The following PCDHGA7 variants were observed in gnomAD, a reference collection of about 807,000 sequenced individuals.
PCDHGA7 encodes the protein protocadherin gamma subfamily A, 7.
In PCDHGA7, 44 loss-of-function variants were observed where a neutral mutation model predicts 58.3. That is an observed-to-expected ratio of 0.75 (90% confidence interval 0.59 to 0.97). The LOEUF is 0.97. Among genes scored for constraint, PCDHGA7 ranks in the 50% least tolerant of loss-of-function variants. PCDHGA7 has a pLI of 0.00. For missense variants in PCDHGA7, 1,266 were observed against 1,188.7 expected (o/e 1.06, Z -0.96); for synonymous variants, 516 against 504.2 (o/e 1.02, Z -0.31).
intron 1 of PCDHGA7, chr5:141,389,699 C>T: frequency 1.2e-6 from 2 of 1,612,646 alleles, no homozygotes; most frequent in Non-Finnish European, 1.7e-6. Flanking sequence ...TGTCCTACCA[C>T]GTGCTGCAGG....
rs753258464 is a variant in PCDHGA7, at chr5:141,388,966, G to T, written c.2424+3643G>T. ...CTAATTATGGAGGACGCCGAGCTGG[G>T]AACACATATTGCTTTGCTCAAAGTC... On this transcript the variant is annotated intron_variant, in intron 1 of 3. Coordinates refer to ENST00000518325, the MANE Select transcript of PCDHGA7 (RefSeq NM_018920.4). 15 of 1,613,896 alleles carry T rather than the reference G, an allele frequency of 9.3e-6. No homozygotes were observed. In the Admixed American group the frequency reaches 2.3e-4, roughly 25 times the overall value.
chr5:141,394,485 A>G (rs376708104), intron 1 of PCDHGA7: 3 of 1,614,184 alleles, frequency 1.9e-6, no homozygotes, highest in Non-Finnish European at 2.5e-6. Flanking sequence ...CCAGAATGAC[A>G]ACGCGCCCGA....
At position 141,486,653 on chromosome 5, in the gene PCDHGA7, C is replaced by A; in HGVS notation, c.2425-8154C>A. 1 of 1,613,968 alleles carries A rather than the reference C, an allele frequency of 6.2e-7. No homozygotes were observed. Among genetic ancestry groups the A allele is most frequent in the Non-Finnish European group, 8.5e-7 (1 of 1,180,034 alleles). On this transcript the variant is annotated intron_variant, in intron 1 of 3. Coordinates refer to ENST00000518325, the MANE Select transcript of PCDHGA7 (RefSeq NM_018920.4). This position sits in a 1 kb window ranked among gnomAD's most constrained non-coding sequence, Gnocchi z 5.0. ...CTTGAATGCGCTTATCTCCTACTCA[C>A]TCCTGGAGCCCAGGAATCGAGATGT... is the stretch of plus-strand genomic sequence containing the variant.
chr5:141,435,558 T>C (rs1401876733), intron 1 of PCDHGA7, among the ~76,000 whole-genome samples: 1 of 152,136 alleles, frequency 6.6e-6, no homozygotes, highest in Non-Finnish European at 1.5e-5. Flanking sequence ...TTTTGAGTGC[T>C]TTTTTTAGTA....
chr5:141,421,404 G>A, intron 1 of PCDHGA7: 17 of 1,614,080 alleles, frequency 1.1e-5, no homozygotes, highest in Non-Finnish European at 1.4e-5. Flanking sequence ...AGCCCCGGGA[G>A]CTGGCGAAGC....
chr5:141,413,747 A>C, intron 1 of PCDHGA7: 1 of 1,613,348 alleles, frequency 6.2e-7, no homozygotes. Flanking sequence ...AGCCGTGCCA[A>C]TGGCGTCAAG....
intron 1 of PCDHGA7, chr5:141,421,450 C>A (rs1193440607): frequency 2.5e-6 from 4 of 1,614,126 alleles, no homozygotes; most frequent in Non-Finnish European, 3.4e-6. Flanking sequence ...GAAGACACAG[C>A]TTTTCGCTGT....
chr5:141,468,681 A>G (rs1415798588), intron 1 of PCDHGA7: 1 of 151,830 alleles, frequency 6.6e-6, no homozygotes, highest in African/African-American at 2.4e-5. Flanking sequence ...CCTGGCTAAC[A>G]CGGTGAAACC....
Position 141,511,159 on chromosome 5 carries a change from AAGG to A in PCDHGA7, c.2788_2790del (p.Glu930del), listed in dbSNP as rs1477173987. 3 of 1,614,186 alleles carry A rather than the reference AAGG, an allele frequency of 1.9e-6. No individual in the cohort carries two copies. The highest frequency in any genetic ancestry group is 2.2e-5 in the East Asian group (1 of 44,872). On this transcript the variant is annotated inframe_deletion, in exon 4 of 4. Coordinates refer to ENST00000518325, the MANE Select transcript of PCDHGA7 (RefSeq NM_018920.4). ...TGGCAACAAGAAGAAGTCGGGCAAG[AAGG>A]AGAAGAAGTAACATGGAGGCCAGGC... is the stretch of plus-strand genomic sequence containing the variant.
chr5:141,385,626 G>T, intron 1 of PCDHGA7: 1 of 1,001,778 alleles, frequency 1.0e-6, no homozygotes, highest in Non-Finnish European at 1.3e-6. Flanking sequence ...ACATTGGAAT[G>T]AATCGAGTCT....
chr5:141,505,653 G>A (rs1049630228), intron 3 of PCDHGA7, among the ~76,000 whole-genome samples, 172 bp downstream of exon 3: 1 of 152,184 alleles, frequency 6.6e-6, no homozygotes, highest in Non-Finnish European at 1.5e-5. Context: ...TTGTGGCTAA[G>A]GAACAGCAGA....
In PCDHGA7 at chr5:141,511,173, A is replaced by T. The variant is rs1384881403; in HGVS notation, c.2799A>T (p.Ter933TyrextTer31). ...AGTCGGGCAAGAAGGAGAAGAAGTA[A>T]CATGGAGGCCAGGCCAAGAGCCACA... ...KKKSGKKEKK[*>Y] Residue 933 changes from the stop codon to tyrosine, a stop_lost, in exon 4 of 4, where the codon TAA (stop) becomes TAT (tyrosine). Coordinates refer to ENST00000518325, the MANE Select transcript of PCDHGA7 (RefSeq NM_018920.4). 6.2e-7 allele frequency: 1 copy of T among 1,614,132 alleles called. No homozygotes were observed.
intron 1 of PCDHGA7, chr5:141,410,314 C>T: frequency 6.2e-7 from 1 of 1,614,036 alleles, no homozygotes; most frequent in Non-Finnish European, 8.5e-7. Context: ...TGCTCTTCCT[C>T]CTCGCCGTGA....
intron 1 of PCDHGA7, among the ~76,000 whole-genome samples, chr5:141,457,440 A>G (rs188608086): frequency 3.9e-5 from 6 of 152,334 alleles, no homozygotes; most frequent in Non-Finnish European, 8.8e-5. Flanking sequence ...ACCAAGCTGC[A>G]GAAGATCACC....
At chr5:141,492,705 C>T (rs2099743225) in intron 1 of PCDHGA7, among the ~76,000 whole-genome samples, 1 of 152,258 alleles carries the variant, frequency 6.6e-6, no homozygotes, top group South Asian at 2.1e-4. Flanking sequence ...ACCCAGAAGC[C>T]TCGAGCAGGC....
At chr5:141,492,195 CTT>C (rs1240529719) in intron 1 of PCDHGA7, among the ~76,000 whole-genome samples, 1 of 152,242 alleles carries the variant, frequency 6.6e-6, no homozygotes, top group Non-Finnish European at 1.5e-5. Context: ...GTCTGCGGGA[CTT>C]AGGTGTGCGC....
intron 1 of PCDHGA7, chr5:141,478,144 G>A (rs2099432883): frequency 6.2e-7 from 1 of 1,613,918 alleles, no homozygotes; most frequent in Non-Finnish European, 8.5e-7. Flanking sequence ...CCCGAGCCGA[G>A]TTCCCCTCTG....
intron 1 of PCDHGA7, chr5:141,394,183 A>G: frequency 1.2e-6 from 2 of 1,613,702 alleles, no homozygotes; most frequent in Non-Finnish European, 1.7e-6. Context: ...CATGCCTCCT[A>G]CTCAGCGTAT....
chr5:141,400,780 T>C, intron 1 of PCDHGA7: 1 of 566,270 alleles, frequency 1.8e-6, no homozygotes, highest in Non-Finnish European at 3.1e-6. Context: ...TGGTGCGTTT[T>C]TTTGTCCTCT....
Sources: allele counts gnomAD v4.1 joint callset (sites outside exome capture counted in the v4.1 genomes callset), GRCh38; gene constraint gnomAD v4.1.1; non-coding constraint Gnocchi (gnomAD v3.1); transcripts MANE v1.5; gene names NCBI Gene and HGNC (gene_info 2026-07-23, HGNC 2026-07-21).